Variants in SAMD3 observed in about 807,000 individuals in gnomAD.
The protein encoded by SAMD3 is sterile alpha motif domain containing 3, also known as sterile alpha motif domain-containing protein 3.
Under a neutral mutation model 58.5 loss-of-function variants are expected in SAMD3, and 63 were observed. The observed-to-expected ratio is 1.08, with a 90% confidence interval of 0.88 to 1.33. The LOEUF is 1.33. Among genes scored for constraint, SAMD3 ranks in the 40% most tolerant of loss-of-function variants. The probability of loss-of-function intolerance (pLI) is 0.00; values close to 1 mark genes in which losing one functional copy is unlikely to be tolerated. For missense variants in SAMD3, 604 were observed against 608.4 expected (o/e 0.99, Z 0.08); for synonymous variants, 220 against 210.3 (o/e 1.05, Z -0.40).
chr6:130,332,869 T>C (rs1038877415), intron 1 of SAMD3, among the ~76,000 whole-genome samples: 1 of 152,180 alleles, frequency 6.6e-6, no homozygotes, highest in African/African-American at 2.4e-5. Context: ...CTTTATGTAC[T>C]GGAGGAGATA....
chr6:130,216,587 G>A lies in SAMD3; in HGVS notation c.-38C>T, dbSNP rs928951057. On this transcript the variant is annotated 5_prime_UTR_variant, in exon 2 of 12. Transcript: ENST00000439090. ...CATGTTTACCTTGCATATGTGACAA[G>A]CTGGAAAGATAGTCTTCAAGAATCA... is the stretch of plus-strand genomic sequence containing the variant. 7 of 152,172 alleles carry A rather than the reference G, an allele frequency of 4.6e-5. No homozygotes were observed. Among genetic ancestry groups the A allele is most frequent in the African/African-American group, 1.4e-4 (6 of 41,440 alleles). The allele number at this position is 152,172 out of a possible 1,614,324, so 9.4% of individuals were successfully genotyped here. A position where few individuals can be genotyped will look rare whatever the true frequency, so the allele number is the denominator to read the frequency against.
intron 1 of SAMD3, among the ~76,000 whole-genome samples, chr6:130,332,643 C>CAGTTTG (rs1405594024): frequency 1.3e-5 from 2 of 152,108 alleles, no homozygotes; most frequent in Non-Finnish European, 2.9e-5. Flanking sequence ...CTCTCAACCT[C>CAGTTTG]AGTGGTTTGA....
rs545267485 is a variant in SAMD3, at chr6:130,184,145, C to T, written c.612G>A (p.Leu204=). 1 of 1,614,058 alleles carries T rather than the reference C, an allele frequency of 6.2e-7. No individual in the cohort carries two copies. The change falls in exon 7 of 12, where the codon CTG becomes CTA. Residue 204 remains leucine (L), a synonymous_variant. Transcript: ENST00000439090. ...CATCCAGGAAAGGGTGGGCCTGCAG[C>T]AGGGCATTAACCACGTCATTGTACT... is the stretch of plus-strand genomic sequence containing the variant. ...TQQYNDVVNA[L]LQAHPFLDED...
intron 2 of SAMD3, among the ~76,000 whole-genome samples, chr6:130,262,144 G>T (rs1051781060): frequency 6.6e-6 from 1 of 151,930 alleles, no homozygotes; most frequent in Non-Finnish European, 1.5e-5. Flanking sequence ...GGTATTCTTC[G>T]TAAGCCTATA....
At chr6:130,238,547 G>T (rs545055659) in intron 2 of SAMD3, among the ~76,000 whole-genome samples, 40 of 148,048 alleles carry the variant, frequency 2.7e-4, no homozygotes, top group Non-Finnish European at 5.4e-4. Flanking sequence ...ATGATCAAAA[G>T]AAAAGTAAAA....
Position 130,218,235 on chromosome 6 carries a change from T to C in SAMD3, c.-67-1619A>G, listed in dbSNP as rs563932356. Among the ~76,000 whole-genome samples the C allele has an allele frequency of 1.5e-4, 23 of 152,326 alleles. 2 individuals are homozygous for C. The South Asian group carries it at 4.3e-3, about 29-fold the overall frequency. On this transcript the variant is annotated intron_variant, in intron 1 of 11. Coordinates refer to ENST00000439090, the MANE Select transcript of SAMD3 (RefSeq NM_001017373.4). ...CAGCAGAGCGAGGGTCCTGCTAGTA[T>C]ATGCTTCTCGCCTCACAGATTGAAT... is the stretch of plus-strand genomic sequence containing the variant.
chr6:130,176,862 C>T (rs1368065439), intron 7 of SAMD3, among the ~76,000 whole-genome samples: 2 of 152,104 alleles, frequency 1.3e-5, no homozygotes, highest in African/African-American at 4.8e-5. Context: ...TTGCGCGAGG[C>T]TGGAGCACAG....
At chr6:130,306,026 C>G (rs897712707) in intron 2 of SAMD3, among the ~76,000 whole-genome samples, 1 of 152,154 alleles carries the variant, frequency 6.6e-6, no homozygotes, top group Non-Finnish European at 1.5e-5. Context: ...AAGGAAAAGG[C>G]AGTTCTCTAG....
intron 8 of SAMD3, 112 bp from the exon 9 acceptor site, chr6:130,155,137 G>A: frequency 1.4e-6 from 1 of 707,446 alleles, no homozygotes. Context: ...CACCATACCT[G>A]GTTACACTTG....
chr6:130,357,118 C>CTTTTT (rs1169066063), intron 1 of SAMD3, among the ~76,000 whole-genome samples: 101 of 91,730 alleles, frequency 1.1e-3, no homozygotes, highest in African/African-American at 1.8e-3. Context: ...GCCATGGCAT[C>CTTTTT]TTTTTTTTTT....
chr6:130,187,573 T>A (rs1188283575), intron 5 of SAMD3, among the ~76,000 whole-genome samples: 1 of 152,186 alleles, frequency 6.6e-6, no homozygotes, highest in African/African-American at 2.4e-5. Context: ...GAAAAGTGAC[T>A]CATCAGAAAT....
intron 2 of SAMD3, among the ~76,000 whole-genome samples, chr6:130,248,514 C>T (rs1773632498): frequency 1.3e-5 from 2 of 152,178 alleles, no homozygotes; most frequent in South Asian, 4.2e-4. Flanking sequence ...TATTTGATGC[C>T]TGAGAAACAA....
Position 130,321,416 on chromosome 6 carries a change from A to C in SAMD3, c.-303-8323T>G, listed in dbSNP as rs141722653. 3.3e-3 allele frequency among the ~76,000 whole-genome samples: 499 copies of C among 152,276 alleles called. 12 individuals carry two copies. Among genetic ancestry groups the C allele is most frequent in the Admixed American group, 0.015 (230 of 15,292 alleles). On this transcript the variant is annotated intron_variant, in intron 1 of 13. Transcript: ENST00000368134. ...GACTTGTGAGAGACCTCCTTGATTC[A>C]CAGGCACCCAGTTCATCTGCACCTG...
chr6:130,176,640 CA>C (rs1302710054), intron 7 of SAMD3, among the ~76,000 whole-genome samples: 1 of 152,188 alleles, frequency 6.6e-6, no homozygotes, highest in East Asian at 1.9e-4. Context: ...ATACATCATT[CA>C]TTTACATTGT....
At chr6:130,241,708 A>AT (rs1442726349) in intron 2 of SAMD3, among the ~76,000 whole-genome samples, 3 of 152,092 alleles carry the variant, frequency 2.0e-5, no homozygotes, top group Non-Finnish European at 2.9e-5. Context: ...AATTTCTTAT[A>AT]TTTGGAATAA....
chr6:130,197,456 C>A (rs1029727343), intron 5 of SAMD3, among the ~76,000 whole-genome samples: 60 of 152,208 alleles, frequency 3.9e-4, no homozygotes, highest in Non-Finnish European at 1.5e-4. Context: ...GCTGAATCTC[C>A]TTAGGCACTC....
At chr6:130,335,216 G>T (rs912713279) in intron 1 of SAMD3, among the ~76,000 whole-genome samples, 5 of 152,192 alleles carry the variant, frequency 3.3e-5, no homozygotes, top group African/African-American at 1.2e-4. Context: ...TTCTCTCCCT[G>T]TATGAGTAGG....
At chr6:130,250,303 G>A (rs1217900569) in intron 2 of SAMD3, among the ~76,000 whole-genome samples, 2 of 152,108 alleles carry the variant, frequency 1.3e-5, no homozygotes, top group Admixed American at 6.6e-5. Flanking sequence ...ATCAAAACAG[G>A]GTCTACCAGG....
chr6:130,356,331 C>G (rs1467385499), intron 1 of SAMD3, among the ~76,000 whole-genome samples: 1 of 152,204 alleles, frequency 6.6e-6, no homozygotes, highest in African/African-American at 2.4e-5. Flanking sequence ...TTTCCTCAGC[C>G]TGGTCTGCCC....
Sources: gnomAD v4.1 joint callset for allele counts (sites outside exome capture counted in the v4.1 genomes callset) on GRCh38, gnomAD v4.1.1 for gene constraint, MANE v1.5 for transcripts, NCBI Gene and HGNC (gene_info 2026-07-23, HGNC 2026-07-21) for gene names.